CHRM3: variants seen among roughly 807,000 people sequenced by gnomAD.
The protein encoded by CHRM3 is muscarinic acetylcholine receptor M3.
CHRM3 carries 11 observed loss-of-function variants against 41.8 expected under a neutral mutation model. The ratio of observed to expected loss-of-function variants is 0.26; its 90% confidence interval spans 0.17 to 0.44. The LOEUF is 0.44. Among genes scored for constraint, CHRM3 ranks in the 20% least tolerant of loss-of-function variants. The pLI is 1.00. For synonymous variants in CHRM3, 297 were observed against 301.4 expected (o/e 0.99, Z 0.15); for missense variants, 571 against 745.4 (o/e 0.77, Z 2.72).
chr1:239,697,990 A>C (rs1198320054), intron 5 of CHRM3, among the ~76,000 whole-genome samples: 1 of 152,230 alleles, frequency 6.6e-6, no homozygotes, highest in African/African-American at 2.4e-5. Flanking sequence ...AGCTGGCAGC[A>C]TAGAAAAGTA....
chr1:239,869,075 G>A (rs60901723), intron 6 of CHRM3, among the ~76,000 whole-genome samples: 6,942 of 152,084 alleles, frequency 0.046, 565 homozygotes, highest in African/African-American at 0.16. Context: ...TCTGCCTGAC[G>A]CCTAGAAACC....
At chr1:239,580,838 G>C (rs767189436) in intron 3 of CHRM3, among the ~76,000 whole-genome samples, 3 of 150,888 alleles carry the variant, frequency 2.0e-5, no homozygotes, top group Non-Finnish European at 2.9e-5. Context: ...TTTACATGCA[G>C]AAATTTTCTG....
At chr1:239,592,929 C>A (rs1332594150) in intron 3 of CHRM3, among the ~76,000 whole-genome samples, 1 of 152,056 alleles carries the variant, frequency 6.6e-6, no homozygotes, top group Non-Finnish European at 1.5e-5. Context: ...CCACTCCACC[C>A]CAGATCCGCT....
At chr1:239,598,293 A>G (rs1665053990) in intron 3 of CHRM3, among the ~76,000 whole-genome samples, 1 of 152,116 alleles carries the variant, frequency 6.6e-6, no homozygotes, top group Admixed American at 6.6e-5. Context: ...GTTGATTCAC[A>G]GCAAACAAGA....
chr1:239,446,146 A>G (rs180771919), intron 1 of CHRM3, among the ~76,000 whole-genome samples: 23 of 152,300 alleles, frequency 1.5e-4, no homozygotes, highest in Admixed American at 2.6e-4. Flanking sequence ...CATGTTGGCC[A>G]GGATGGTCTT....
intron 1 of CHRM3, among the ~76,000 whole-genome samples, chr1:239,473,816 G>A (rs75941620): frequency 0.012 from 1,888 of 151,862 alleles, 32 homozygotes; most frequent in South Asian, 0.037. Flanking sequence ...CACTGTTAAG[G>A]CATATGTAAG....
At chr1:239,623,052 C>T (rs1449020683) in intron 3 of CHRM3, among the ~76,000 whole-genome samples, 3 of 149,974 alleles carry the variant, frequency 2.0e-5, no homozygotes, top group Non-Finnish European at 3.0e-5. Context: ...AAACCCTCCA[C>T]CAAAAAAAAA....
chr1:239,641,044 A>T (rs1465102445), intron 4 of CHRM3, among the ~76,000 whole-genome samples: 3 of 152,118 alleles, frequency 2.0e-5, no homozygotes, highest in Middle Eastern at 3.2e-3. Context: ...ATTCAGGAGC[A>T]GGTTGTTCAG....
At chr1:239,403,521 C>T (rs960151167) in intron 1 of CHRM3, among the ~76,000 whole-genome samples, 4 of 152,138 alleles carry the variant, frequency 2.6e-5, no homozygotes, top group Admixed American at 6.5e-5. Context: ...ACTTCCCTTG[C>T]CTGGAGCATT....
intron 5 of CHRM3, among the ~76,000 whole-genome samples, chr1:239,688,048 CA>C (rs1485541041): frequency 6.6e-6 from 1 of 151,868 alleles, no homozygotes; most frequent in Non-Finnish European, 1.5e-5. Flanking sequence ...CATTAATACA[CA>C]AAACTGCTCT....
chr1:239,638,725 C>A (rs930029209), intron 4 of CHRM3, among the ~76,000 whole-genome samples: 25 of 152,160 alleles, frequency 1.6e-4, no homozygotes, highest in African/African-American at 5.3e-4. Flanking sequence ...CTGGTTCACT[C>A]TGATGGTAGT....
chr1:239,864,810 G>T (rs1675950665), intron 6 of CHRM3, among the ~76,000 whole-genome samples: 1 of 152,042 alleles, frequency 6.6e-6, no homozygotes, highest in Admixed American at 6.6e-5. Flanking sequence ...AAACTATTTT[G>T]AGATATCACT....
intron 5 of CHRM3, among the ~76,000 whole-genome samples, chr1:239,717,438 T>C (rs950060163): frequency 1.3e-5 from 2 of 149,756 alleles, no homozygotes; most frequent in Non-Finnish European, 3.0e-5. Flanking sequence ...TATAAAATCC[T>C]GATACAGAAC....
At position 239,553,945 on chromosome 1, in the gene CHRM3, G is replaced by A. The variant is rs142549283; in HGVS notation, c.-313+8196G>A. On this transcript the variant is annotated intron_variant, in intron 3 of 6. Coordinates refer to ENST00000676153, the MANE Select transcript of CHRM3 (RefSeq NM_001375978.1). ...ACTCTGTCGCCCAGGCTAGAGTGCA[G>A]TGGCATGATCTCGGTTCAGTACAAC... Among the ~76,000 whole-genome samples, 602 of 152,232 alleles carry A rather than the reference G, an allele frequency of 4.0e-3. 5 individuals carry two copies. The highest frequency in any genetic ancestry group is 0.031 in the Middle Eastern group (9 of 294).
At chr1:239,598,982 C>G (rs977322018) in intron 3 of CHRM3, among the ~76,000 whole-genome samples, 1 of 152,040 alleles carries the variant, frequency 6.6e-6, no homozygotes, top group African/African-American at 2.4e-5. Flanking sequence ...CTCTTCCTGG[C>G]TGCTCCTTCC....
intron 3 of CHRM3, among the ~76,000 whole-genome samples, chr1:239,563,026 G>C (rs1661029460): frequency 6.6e-6 from 1 of 151,944 alleles, no homozygotes; most frequent in Non-Finnish European, 1.5e-5. Flanking sequence ...ACAGTACACT[G>C]CTGTTGGAAG....
chr1:239,761,575 T>G (rs1430522381), intron 5 of CHRM3, among the ~76,000 whole-genome samples: 1 of 152,204 alleles, frequency 6.6e-6, no homozygotes, highest in Admixed American at 6.5e-5. Context: ...TAGGCCTGCT[T>G]TTTAACTGTG....
chr1:239,550,784 G>A lies in CHRM3; in HGVS notation c.-313+5035G>A, dbSNP rs370021968. ...TATTGATTGATTGATTGTGTCCCTAGGTGGGCTAGAAAATTTGATTTTTAG... is the reference window on the plus strand; with the variant it reads ...TATTGATTGATTGATTGTGTCCCTAAGTGGGCTAGAAAATTTGATTTTTAG... On this transcript the variant is annotated intron_variant, in intron 3 of 6. Coordinates refer to ENST00000676153, the MANE Select transcript of CHRM3 (RefSeq NM_001375978.1). Among the ~76,000 whole-genome samples the A allele has an allele frequency of 2.6e-5, 4 of 152,156 alleles. No homozygotes were observed. In the East Asian group the frequency reaches 7.7e-4, roughly 29 times the overall value.
At chr1:239,669,168 C>A (rs545845326) in intron 4 of CHRM3, among the ~76,000 whole-genome samples, 1 of 152,204 alleles carries the variant, frequency 6.6e-6, no homozygotes, top group African/African-American at 2.4e-5. Flanking sequence ...TAGCTTGGAG[C>A]CAGCGTTCCC....
Sources: allele counts gnomAD v4.1 joint callset (sites outside exome capture counted in the v4.1 genomes callset), GRCh38; gene constraint gnomAD v4.1.1; transcripts MANE v1.5; gene names NCBI Gene and HGNC (gene_info 2026-07-23, HGNC 2026-07-21).